The following MAD1L1 variants were observed in gnomAD, a reference collection of about 807,000 sequenced individuals.
MAD1L1 encodes mitotic spindle assembly checkpoint protein MAD1.
In MAD1L1, 95 loss-of-function variants were observed where a neutral mutation model predicts 96.9. That is an observed-to-expected ratio of 0.98 (90% CI 0.83 to 1.16). The LOEUF (loss-of-function observed/expected upper bound fraction) is 1.16, where lower values mean the gene tolerates loss of function less well. Ranked by LOEUF, MAD1L1 falls within the 50% of genes most tolerant of loss-of-function variation. The pLI, the probability that MAD1L1 is intolerant of heterozygous loss-of-function variation, is 0.00. For missense variants in MAD1L1, 1,007 were observed against 954.4 expected (o/e 1.06, Z -0.73); for synonymous variants, 473 against 396.6 (o/e 1.19, Z -2.29).
intron 16 of MAD1L1, among the ~76,000 whole-genome samples, chr7:1,954,204 C>T (rs972584592): frequency 3.9e-5 from 6 of 152,212 alleles, no homozygotes; most frequent in African/African-American, 1.4e-4. Flanking sequence ...ACCATGCAGG[C>T]CTGGTTCACC....
chr7:2,077,560 G>C (rs1037703252), intron 11 of MAD1L1, among the ~76,000 whole-genome samples: 1 of 152,346 alleles, frequency 6.6e-6, no homozygotes, highest in Non-Finnish European at 1.5e-5. Context: ...CTCAGGAAGA[G>C]AGCAAGTGCA....
At chr7:2,043,526 G>T (rs62444906) in intron 12 of MAD1L1, among the ~76,000 whole-genome samples, 21,003 of 152,256 alleles carry the variant, frequency 0.14, 1,787 homozygotes, top group Middle Eastern at 0.27. Flanking sequence ...GGAGGTGGCC[G>T]GAATGGGCGG....
chr7:2,225,605 G>A (rs1284160892), intron 3 of MAD1L1, 55 bp from the exon 4 acceptor site: 2 of 1,588,570 alleles, frequency 1.3e-6, no homozygotes, highest in African/African-American at 1.3e-5. Context: ...CATCAAACCA[G>A]GTGAGTGACT....
At chr7:1,884,311 C>G (rs1785876021) in intron 18 of MAD1L1, among the ~76,000 whole-genome samples, 2 of 152,206 alleles carry the variant, frequency 1.3e-5, no homozygotes, top group Admixed American at 1.3e-4. Context: ...CTCTGGCCAT[C>G]CACCAGTGCA....
At chr7:1,869,821 C>T (rs1784956436) in intron 18 of MAD1L1, among the ~76,000 whole-genome samples, 1 of 152,182 alleles carries the variant, frequency 6.6e-6, no homozygotes, top group Admixed American at 6.5e-5. Flanking sequence ...CACACCTAGA[C>T]TGGGCTCCCG....
intron 3 of MAD1L1, among the ~76,000 whole-genome samples, chr7:2,227,801 T>C (rs1793979718): frequency 6.6e-6 from 1 of 152,136 alleles, no homozygotes; most frequent in South Asian, 2.1e-4. Context: ...TCGAGAAGGG[T>C]GGGCACCCCG....
chr7:1,911,816 T>G (rs925464914), intron 17 of MAD1L1, among the ~76,000 whole-genome samples: 1 of 152,210 alleles, frequency 6.6e-6, no homozygotes, highest in African/African-American at 2.4e-5. Flanking sequence ...TTGGGCATCC[T>G]ATCCCTCTCC....
chr7:2,208,263 G>A (rs1271080490), intron 10 of MAD1L1, among the ~76,000 whole-genome samples: 2 of 152,100 alleles, frequency 1.3e-5, no homozygotes, highest in Non-Finnish European at 1.5e-5. Context: ...CATTGTCCTT[G>A]TATCCCGTGA....
chr7:1,886,760 G>A (rs1786058701), intron 18 of MAD1L1, among the ~76,000 whole-genome samples: 1 of 152,276 alleles, frequency 6.6e-6, no homozygotes, highest in Non-Finnish European at 1.5e-5. Context: ...CCAGGCACAT[G>A]GCACTGTGTG....
In MAD1L1 at chr7:1,833,897, G is replaced by C. The variant is rs145289173; in HGVS notation, c.1999-17669C>G. 3.1e-3 allele frequency among the ~76,000 whole-genome samples: 469 copies of C among 152,330 alleles called. 5 individuals carry two copies. Among genetic ancestry groups the C allele is most frequent in the African/African-American group, 0.011 (456 of 41,570 alleles). The stretch of plus-strand genomic sequence containing the variant: ...TGGAAGGCAGAGGTTGCAGTGAGCT[G>C]AGATTGCGCCATGCACTCCAGCCTG... On this transcript the variant is annotated intron_variant, in intron 18 of 18. Coordinates refer to ENST00000265854, the MANE Select transcript of MAD1L1 (RefSeq NM_001013836.2).
intron 16 of MAD1L1, among the ~76,000 whole-genome samples, chr7:1,943,522 C>T (rs1337182527): frequency 6.6e-6 from 1 of 152,306 alleles, no homozygotes. Flanking sequence ...TGAAAAGCTG[C>T]TCGGCATCAT....
intron 11 of MAD1L1, among the ~76,000 whole-genome samples, chr7:2,121,513 T>C (rs1434801679): frequency 6.6e-6 from 1 of 152,220 alleles, no homozygotes; most frequent in Admixed American, 6.5e-5. Context: ...TCACTGACAC[T>C]GTCCCCATGG....
intron 14 of MAD1L1, among the ~76,000 whole-genome samples, chr7:1,990,704 G>C (rs556928539): frequency 6.6e-6 from 1 of 152,346 alleles, no homozygotes; most frequent in African/African-American, 2.4e-5. Flanking sequence ...GCCCAGGGCC[G>C]CCACTGCTGG....
intron 18 of MAD1L1, among the ~76,000 whole-genome samples, chr7:1,863,050 G>T (rs1784605358): frequency 1.3e-5 from 2 of 152,238 alleles, no homozygotes; most frequent in African/African-American, 4.8e-5. Context: ...TCTTGCACAG[G>T]CCTGGAGGCT....
chr7:1,944,346 G>A lies in MAD1L1; in HGVS notation c.1597-7449C>T, dbSNP rs192366075. 1.9e-3 allele frequency among the ~76,000 whole-genome samples: 287 copies of A among 152,308 alleles called. 2 individuals are homozygous for A. Among genetic ancestry groups the A allele is most frequent in the Non-Finnish European group, 5.7e-4 (39 of 68,020 alleles). ...AGTCGCTGAACTGCCCCCTTCAAAG[G>A]GACGAGGTACGTGGAATGTGCGTCG... On this transcript the variant is annotated intron_variant, in intron 16 of 18. Coordinates refer to ENST00000265854, the MANE Select transcript of MAD1L1 (RefSeq NM_001013836.2).
At chr7:2,130,670 GCGTGTCCGCGA>G (rs1788470346) in intron 11 of MAD1L1, among the ~76,000 whole-genome samples, 1 of 152,248 alleles carries the variant, frequency 6.6e-6, no homozygotes, top group South Asian at 2.1e-4. Context: ...GAAGCTGGGA[GCGTGTCCGCGA>G]CTCTCTCTTC....
chr7:1,867,833 A>C lies in MAD1L1; in HGVS notation c.1998+30367T>G, dbSNP rs375658395. ...AGCTCTGGGACAATAATTGGAGCTG[A>C]AGTTGTTCCAACGACTTATTAAAAA... On this transcript the variant is annotated intron_variant, in intron 18 of 18. Transcript: ENST00000265854. Among the ~76,000 whole-genome samples the C allele has an allele frequency of 1.3e-3, 198 of 152,352 alleles. 5 individuals carry two copies. The South Asian group carries it at 0.039, about 30-fold the overall frequency.
At chr7:2,150,634 G>GC (rs966883579) in intron 10 of MAD1L1, among the ~76,000 whole-genome samples, 1 of 152,206 alleles carries the variant, frequency 6.6e-6, no homozygotes, top group African/African-American at 2.4e-5. Context: ...GCCTTGCCCA[G>GC]CATTAGTTTG....
At chr7:2,177,963 A>G (rs937982560) in intron 10 of MAD1L1, among the ~76,000 whole-genome samples, 5 of 152,226 alleles carry the variant, frequency 3.3e-5, no homozygotes, top group African/African-American at 1.2e-4. Flanking sequence ...TTAAGTCCAC[A>G]TTTCCAAATT....
Sources: gnomAD v4.1 joint callset for allele counts (sites outside exome capture counted in the v4.1 genomes callset) on GRCh38, gnomAD v4.1.1 for gene constraint, MANE v1.5 for transcripts, NCBI Gene and HGNC (gene_info 2026-07-23, HGNC 2026-07-21) for gene names.